The following PLIN5 variants were observed in gnomAD, a reference collection of about 807,000 sequenced individuals.
PLIN5 encodes the protein perilipin 5.
PLIN5 carries 34 observed loss-of-function variants against 32.8 expected under a neutral mutation model. The ratio of observed to expected loss-of-function variants is 1.04; its 90% CI spans 0.79 to 1.38. PLIN5 has a LOEUF of 1.38. Ranked by LOEUF, PLIN5 falls within the 40% of genes most tolerant of loss-of-function variation. PLIN5 has a pLI of 0.00. For synonymous variants in PLIN5, 309 were observed against 292.9 expected (o/e 1.05, Z -0.56); for missense variants, 712 against 660.5 (o/e 1.08, Z -0.85).
Position 4,529,060 on chromosome 19 carries a change from G to C in PLIN5, c.520+13C>G, listed in dbSNP as rs764934512. 6.2e-7 allele frequency: 1 copy of C among 1,610,548 alleles called. No homozygotes were observed. The highest frequency in any genetic ancestry group is 8.5e-7 in the Non-Finnish European group (1 of 1,178,526). On this transcript the variant is annotated intron_variant, in intron 5 of 7. Transcript: ENST00000381848. ...CAGGACTCAGGGGTTAGGGTTGAGG[G>C]TGTCGTCCTCACCGAGCTCTTCCTC...
chr19:4,524,131 G>T, intron 7 of PLIN5, 46 bp from the exon 8 acceptor site: 1 of 1,386,716 alleles, frequency 7.2e-7, no homozygotes, highest in South Asian at 1.6e-5. Flanking sequence ...CGCCCAGGAG[G>T]ACTGCTGTCC....
intron 3 of PLIN5, among the ~76,000 whole-genome samples, chr19:4,530,925 G>T (rs1976875897): frequency 6.6e-6 from 1 of 152,036 alleles, no homozygotes; most frequent in Admixed American, 6.6e-5. Flanking sequence ...TGATCTGCCT[G>T]CCTCGGACTC....
Position 4,525,832 on chromosome 19 carries a change from G to T in PLIN5, c.521C>A (p.Ala174Glu). Reference sequence around the variant, plus strand: ...GCCTTCAGCCTCAGCCGCCAGTGCCGCTGGAGGACAGGATACGGGGACAGC... The same window carrying T: ...GCCTTCAGCCTCAGCCGCCAGTGCCTCTGGAGGACAGGATACGGGGACAGC... ...HFLPMTEEELAALAAEAEGPE... is the reference protein window; with the variant it reads ...HFLPMTEEELEALAAEAEGPE... The change falls in exon 6 of 8, where the codon GCG becomes GAG. Residue 174 changes from alanine (A) to glutamate (E), a missense_variant and splice_region_variant. Transcript: ENST00000381848. This position sits in a 1 kb window ranked among gnomAD's most constrained non-coding sequence, Gnocchi z 5.6. 1 of 1,610,240 alleles carries T rather than the reference G, an allele frequency of 6.2e-7. No individual in the cohort carries two copies. Among genetic ancestry groups the T allele is most frequent in the South Asian group, 1.1e-5 (1 of 90,726 alleles).
chr19:4,526,484 G>A (rs995180432), intron 5 of PLIN5, among the ~76,000 whole-genome samples: 1 of 152,124 alleles, frequency 6.6e-6, no homozygotes, highest in Non-Finnish European at 1.5e-5. Context: ...GCCTCCTAAC[G>A]TGCTGTGTTT....
intron 4 of PLIN5, chr19:4,529,535 T>TACTTATA (rs1976853638): frequency 4.3e-6 from 2 of 465,516 alleles, no homozygotes; most frequent in Non-Finnish European, 7.2e-6. Flanking sequence ...TATACATATA[T>TACTTATA]ACTTATACGT....
At position 4,523,400 on chromosome 19, in the gene PLIN5, TC is replaced by T. The variant is rs1976754736; in HGVS notation, c.*127del. 9.1e-7 allele frequency: 1 copy of T among 1,102,274 alleles called. No homozygotes were observed. The highest frequency in any genetic ancestry group is 2.8e-5 in the East Asian group (1 of 35,424). The allele number at this position is 1,102,274 out of a possible 1,614,324, so 68.3% of individuals were successfully genotyped here. A position where few individuals can be genotyped will look rare whatever the true frequency, so the allele number is the denominator to read the frequency against. Reference sequence around the variant, plus strand: ...CCAATACCAAAAAGGTGGTCAGAGATCCGGAGTTGGGCCTGATTCCAAAGAA... The same window carrying T: ...CCAATACCAAAAAGGTGGTCAGAGATCGGAGTTGGGCCTGATTCCAAAGAA... On this transcript the variant is annotated 3_prime_UTR_variant, in exon 8 of 8. Transcript: ENST00000381848. This position sits in a 1 kb window ranked among gnomAD's most constrained non-coding sequence, Gnocchi z 5.0.
rs1415123621 is a variant in PLIN5, at chr19:4,533,862, A to G, written c.60+153T>C. On this transcript the variant is annotated intron_variant, in intron 2 of 7. Transcript: ENST00000381848. ...CCTCATTAAGCCCCCACTAGGAAATAGACCATCCCCTCCATGGACCAAAAT... is the reference window on the plus strand; with the variant it reads ...CCTCATTAAGCCCCCACTAGGAAATGGACCATCCCCTCCATGGACCAAAAT... The G allele has an allele frequency of 1.7e-5, 14 of 841,668 alleles. No individual in the cohort carries two copies. The East Asian group carries it at 3.5e-4, about 21-fold the overall frequency. The allele number at this position is 841,668 out of a possible 1,614,324, so 52.1% of individuals were successfully genotyped here.
chr19:4,524,885 C>T, intron 7 of PLIN5, 78 bp downstream of exon 7: 1 of 1,284,154 alleles, frequency 7.8e-7, no homozygotes. Context: ...ACTGGGCTGA[C>T]CCGCAGTCCG....
In PLIN5 at chr19:4,522,969, G is replaced by A. The variant is rs1976748298; in HGVS notation, c.*559C>T. ...GCTCTGTCACCCAGGCTGGTGTGCAGTGGCGCGATCTCTGCTCACTGCAAG... is the reference window on the plus strand; with the variant it reads ...GCTCTGTCACCCAGGCTGGTGTGCAATGGCGCGATCTCTGCTCACTGCAAG... On this transcript the variant is annotated 3_prime_UTR_variant, in exon 8 of 8. Coordinates refer to ENST00000381848, the MANE Select transcript of PLIN5 (RefSeq NM_001013706.3). The A allele has an allele frequency of 6.6e-6, 1 of 152,464 alleles. No homozygotes were observed. The highest frequency in any genetic ancestry group is 2.4e-5 in the African/African-American group (1 of 41,590). The allele number at this position is 152,464 out of a possible 1,614,324, so 9.4% of individuals were successfully genotyped here. A position where few individuals can be genotyped will look rare whatever the true frequency, so the allele number is the denominator to read the frequency against.
intron 7 of PLIN5, among the ~76,000 whole-genome samples, 162 bp downstream of exon 7, chr19:4,524,801 T>C (rs1356066782): frequency 1.3e-5 from 2 of 150,874 alleles, no homozygotes; most frequent in Non-Finnish European, 2.9e-5. Flanking sequence ...CTGCCTCAGT[T>C]TCCCCCCCCA....
At position 4,522,572 on chromosome 19, in the gene PLIN5, A is replaced by G. The variant is rs1374333154; in HGVS notation, c.*956T>C. 6.6e-6 allele frequency: 1 copy of G among 152,296 alleles called. No homozygotes were observed. The highest frequency in any genetic ancestry group is 2.4e-5 in the African/African-American group (1 of 41,456). The allele number at this position is 152,296 out of a possible 1,614,324, so 9.4% of individuals were successfully genotyped here. A position where few individuals can be genotyped will look rare whatever the true frequency, so the allele number is the denominator to read the frequency against. ...GACCTTTATTCTGGAGGCAAATCCC[A>G]AACAGCAAAGCAAGCGAGTATGGCA... is the stretch of plus-strand genomic sequence containing the variant. On this transcript the variant is annotated 3_prime_UTR_variant, in exon 8 of 8. Coordinates refer to ENST00000381848, the MANE Select transcript of PLIN5 (RefSeq NM_001013706.3).
intron 4 of PLIN5, 156 bp downstream of exon 4, chr19:4,529,610 TACACACACACACACACAC>T (rs56850019): frequency 0.075 from 32,428 of 432,292 alleles, 866 homozygotes; most frequent in Middle Eastern, 0.12. Context: ...CATATATGTA[TACACACACACACACACAC>T]ACACACACAC....
At chr19:4,529,321 C>T (rs959713513) in intron 4 of PLIN5, 68 bp from the exon 5 acceptor site, 1 of 1,491,998 alleles carries the variant, frequency 6.7e-7, no homozygotes, top group African/African-American at 1.4e-5. Context: ...ACCCTAGTTC[C>T]CTGGGGCTGG....
intron 1 of PLIN5, 200 bp from the exon 2 acceptor site, chr19:4,534,295 G>T (rs961623462): frequency 1.0e-5 from 6 of 585,400 alleles, no homozygotes; most frequent in African/African-American, 1.9e-5. Context: ...CTCTGGCAAG[G>T]TAGGGTTGCC....
chr19:4,534,916 G>C (rs368899837), intron 1 of PLIN5, among the ~76,000 whole-genome samples: 2 of 152,310 alleles, frequency 1.3e-5, no homozygotes, highest in East Asian at 1.9e-4. Flanking sequence ...GAGTTACAGG[G>C]GGGGAGCTCG....
intron 7 of PLIN5, among the ~76,000 whole-genome samples, chr19:4,524,401 A>T (rs538103431): frequency 6.6e-6 from 1 of 152,160 alleles, no homozygotes; most frequent in East Asian, 1.9e-4. Context: ...AAAATACAAA[A>T]ATTAGCTGGG....
In PLIN5 at chr19:4,524,851, A is replaced by G. The variant is rs1018309434; in HGVS notation, c.834+112T>C. ...CTGAGCTCAGCACTTGGTTTGAGATAGCTTGAGTTGGGTCCCCGGCAGTAC... is the reference window on the plus strand; with the variant it reads ...CTGAGCTCAGCACTTGGTTTGAGATGGCTTGAGTTGGGTCCCCGGCAGTAC... On this transcript the variant is annotated intron_variant, in intron 7 of 7. Coordinates refer to ENST00000381848, the MANE Select transcript of PLIN5 (RefSeq NM_001013706.3). 16 of 850,528 alleles carry G rather than the reference A, an allele frequency of 1.9e-5. No homozygotes were observed. The African/African-American group carries it at 2.0e-4, about 11-fold the overall frequency. The allele number at this position is 850,528 out of a possible 1,614,324, so 52.7% of individuals were successfully genotyped here.
rs77124792 is a variant in PLIN5 at position 4,523,019 on chromosome 19, A to G, written c.*509T>C. ...GCTCCGCGCCTCTCGGGTTTAAGCA[A>G]TTCTTCTGCGTCAGCCTCACAACTA... On this transcript the variant is annotated 3_prime_UTR_variant, in exon 8 of 8. Transcript: ENST00000381848. This position sits in a 1 kb window ranked among gnomAD's most constrained non-coding sequence, Gnocchi z 5.0. The G allele has an allele frequency of 0.045, 6,790 of 151,860 alleles. 497 individuals are homozygous for G. Among genetic ancestry groups the G allele is most frequent in the African/African-American group, 0.15 (6,368 of 41,324 alleles). 9.4% of individuals were successfully genotyped at this position (151,860 alleles called of 1,614,324 possible).
At chr19:4,524,122 G>A (rs1215261460) in intron 7 of PLIN5, 37 bp from the exon 8 acceptor site, 13 of 1,389,172 alleles carry the variant, frequency 9.4e-6, no homozygotes, top group South Asian at 1.6e-5. Flanking sequence ...CCCTATGGAC[G>A]CCCAGGAGGA....
Sources: allele counts gnomAD v4.1 joint callset (sites outside exome capture counted in the v4.1 genomes callset), GRCh38; gene constraint gnomAD v4.1.1; non-coding constraint Gnocchi (gnomAD v3.1); transcripts MANE v1.5; gene names NCBI Gene and HGNC (gene_info 2026-07-23, HGNC 2026-07-21).